The following NR5A2 variants were observed in gnomAD, a reference collection of about 807,000 sequenced individuals.
NR5A2 encodes the protein nuclear receptor subfamily 5 group A member 2.
NR5A2 carries 26 observed loss-of-function variants against 62.7 expected under a neutral mutation model. The ratio of observed to expected loss-of-function variants is 0.41; its 90% confidence interval spans 0.30 to 0.58. The LOEUF (loss-of-function observed/expected upper bound fraction) is 0.58, where lower values mean the gene tolerates loss of function less well. Among genes scored for constraint, NR5A2 ranks in the 20% least tolerant of loss-of-function variants. The pLI is 0.22. For synonymous variants in NR5A2, 246 were observed against 241.7 expected (o/e 1.02, Z -0.16); for missense variants, 541 against 669.1 (o/e 0.81, Z 2.11).
At chr1:200,078,028 G>C (rs914730121) in intron 5 of NR5A2, among the ~76,000 whole-genome samples, 1 of 152,216 alleles carries the variant, frequency 6.6e-6, no homozygotes, top group East Asian at 1.9e-4. Flanking sequence ...CCCAGGTAAA[G>C]AAGCTAGTTA....
At chr1:200,104,387 T>C (rs961836378) in intron 5 of NR5A2, among the ~76,000 whole-genome samples, 1 of 152,208 alleles carries the variant, frequency 6.6e-6, no homozygotes, top group African/African-American at 2.4e-5. Context: ...GTGTTCTTTA[T>C]GAAAACAGTA....
intron 5 of NR5A2, among the ~76,000 whole-genome samples, chr1:200,107,812 T>TTTTTTTTTTTTTTTG (rs1665759967): frequency 4.0e-5 from 6 of 150,736 alleles, no homozygotes; most frequent in African/African-American, 1.2e-4. Context: ...GCTAGTTTTT[T>TTTTTTTTTTTTTTTG]AAGAGACGGG....
intron 1 of NR5A2, among the ~76,000 whole-genome samples, chr1:200,035,713 C>G (rs1340465938): frequency 1.3e-5 from 2 of 152,078 alleles, no homozygotes; most frequent in African/African-American, 2.4e-5. Flanking sequence ...GGAGCCTCCC[C>G]GAGCCATCAT....
chr1:200,167,892 G>A (rs1399761891), intron 7 of NR5A2, among the ~76,000 whole-genome samples: 2 of 151,992 alleles, frequency 1.3e-5, no homozygotes, highest in African/African-American at 4.8e-5. Context: ...CCTTCCCCAG[G>A]GACCCCTCTT....
intron 7 of NR5A2, among the ~76,000 whole-genome samples, chr1:200,172,344 G>A (rs1225588586): frequency 6.6e-6 from 1 of 152,132 alleles, no homozygotes; most frequent in African/African-American, 2.4e-5. Context: ...GGTGGAATAT[G>A]CTTTACTAAC....
chr1:200,162,265 T>C (rs1443166556), intron 7 of NR5A2, among the ~76,000 whole-genome samples: 2 of 152,172 alleles, frequency 1.3e-5, no homozygotes, highest in Non-Finnish European at 2.9e-5. Flanking sequence ...GAGTGTGCTG[T>C]AGACTCACAG....
rs1055133530 is a variant in NR5A2 at position 200,159,690 on chromosome 1, C to A, written c.1379-14273C>A. ...TTTTTGAGACAGAGTCTCGCTCTGT[C>A]CTCTAGGCTGGAGTGCAATGGTGCC... is the stretch of plus-strand genomic sequence containing the variant. On this transcript the variant is annotated intron_variant, in intron 7 of 7. Coordinates refer to ENST00000367362, the MANE Select transcript of NR5A2 (RefSeq NM_205860.3). 2.0e-5 allele frequency among the ~76,000 whole-genome samples: 3 copies of A among 151,736 alleles called. No homozygotes were observed. In the South Asian group the frequency reaches 6.2e-4, roughly 32 times the overall value.
chr1:200,064,828 A>G (rs1174711795), intron 5 of NR5A2, among the ~76,000 whole-genome samples: 2 of 152,118 alleles, frequency 1.3e-5, no homozygotes, highest in East Asian at 3.8e-4. Context: ...TATTTTTGTT[A>G]TTGTCTCCAA....
chr1:200,160,447 G>A (rs976171195), intron 7 of NR5A2, among the ~76,000 whole-genome samples: 3 of 152,028 alleles, frequency 2.0e-5, no homozygotes, highest in East Asian at 3.8e-4. Flanking sequence ...GAAACATGTC[G>A]AGCACTACCA....
At chr1:200,093,345 A>G in intron 5 of NR5A2, among the ~76,000 whole-genome samples, 1 of 152,212 alleles carries the variant, frequency 6.6e-6, no homozygotes, top group South Asian at 2.1e-4. Flanking sequence ...ACACCAAGGA[A>G]GTAGGGCTTG....
rs182611743 is a variant in NR5A2, at chr1:200,148,001, G to A, written c.1379-25962G>A. The A allele has an allele frequency of 1.3e-5, 4 of 306,804 alleles. No individual in the cohort carries two copies. The South Asian group carries it at 1.5e-4, about 12-fold the overall frequency. 19.0% of individuals were successfully genotyped at this position (306,804 alleles called of 1,614,324 possible). A position where few individuals can be genotyped will look rare whatever the true frequency, so the allele number is the denominator to read the frequency against. On this transcript the variant is annotated intron_variant, in intron 7 of 7. Coordinates refer to ENST00000367362, the MANE Select transcript of NR5A2 (RefSeq NM_205860.3). ...CCGCCTTGACCTCCTCCCGCGAGCC[G>A]AAAACGCCCAGTTCGAAGGCCACGT... is the stretch of plus-strand genomic sequence containing the variant.
At chr1:200,110,652 C>T (rs6694652) in intron 5 of NR5A2, among the ~76,000 whole-genome samples, 2 of 152,140 alleles carry the variant, frequency 1.3e-5, no homozygotes, top group African/African-American at 4.8e-5. Flanking sequence ...CCAGCACAAT[C>T]GGACTTTCAG....
At chr1:200,169,033 T>A (rs970884736) in intron 7 of NR5A2, among the ~76,000 whole-genome samples, 1 of 152,130 alleles carries the variant, frequency 6.6e-6, no homozygotes, top group Non-Finnish European at 1.5e-5. Flanking sequence ...CTTTATGTCC[T>A]TTAAAAGATT....
intron 7 of NR5A2, among the ~76,000 whole-genome samples, chr1:200,152,003 C>T (rs1032538351): frequency 6.6e-6 from 1 of 152,158 alleles, no homozygotes; most frequent in African/African-American, 2.4e-5. Flanking sequence ...TTTCCAAGCA[C>T]ATGTTGGAAA....
intron 7 of NR5A2, among the ~76,000 whole-genome samples, chr1:200,157,790 T>A (rs1653456426): frequency 6.6e-6 from 1 of 152,244 alleles, no homozygotes; most frequent in South Asian, 2.1e-4. Flanking sequence ...TTTTCATTTT[T>A]CAAGCAAATA....
intron 4 of NR5A2, among the ~76,000 whole-genome samples, 156 bp downstream of exon 4, chr1:200,045,740 T>G (rs1662330206): frequency 6.6e-6 from 1 of 152,186 alleles, no homozygotes; most frequent in South Asian, 2.1e-4. Context: ...TGCAGAATAG[T>G]CTGAGTCTCA....
At chr1:200,144,064 G>A (rs1667562673) in intron 7 of NR5A2, among the ~76,000 whole-genome samples, 1 of 152,050 alleles carries the variant, frequency 6.6e-6, no homozygotes, top group Non-Finnish European at 1.5e-5. Flanking sequence ...TCATTGATAT[G>A]TTTGTAACAG....
At chr1:200,113,952 G>C (rs1449674661) in intron 6 of NR5A2, among the ~76,000 whole-genome samples, 1 of 152,094 alleles carries the variant, frequency 6.6e-6, no homozygotes, top group African/African-American at 2.4e-5. Context: ...AGGCTGAGGC[G>C]GGTGGGTCAC....
chr1:200,162,680 G>T (rs1314266129), intron 7 of NR5A2, among the ~76,000 whole-genome samples: 1 of 152,144 alleles, frequency 6.6e-6, no homozygotes, highest in African/African-American at 2.4e-5. Flanking sequence ...GATTCAAGAC[G>T]CAATTAGAAA....
Sources: allele counts gnomAD v4.1 joint callset (sites outside exome capture counted in the v4.1 genomes callset), GRCh38; gene constraint gnomAD v4.1.1; transcripts MANE v1.5; gene names NCBI Gene and HGNC (gene_info 2026-07-23, HGNC 2026-07-21).